The following ADAM2 variants were observed in gnomAD, a reference collection of about 807,000 sequenced individuals.
The protein encoded by ADAM2 is disintegrin and metalloproteinase domain-containing protein 2.
In ADAM2, 101 loss-of-function variants were observed where a neutral mutation model predicts 99.3. That is an observed-to-expected ratio of 1.02 (90% CI 0.87 to 1.20). The LOEUF (loss-of-function observed/expected upper bound fraction) is 1.20, where lower values mean the gene tolerates loss of function less well. Ranked by LOEUF, ADAM2 falls within the 50% of genes most tolerant of loss-of-function variation. The pLI is 0.00. For synonymous variants in ADAM2, 323 were observed against 287.6 expected (o/e 1.12, Z -1.25); for missense variants, 948 against 878.7 (o/e 1.08, Z -1.00).
rs79431764 is a variant in ADAM2, at chr8:39,834,732, CAAAAAAA to C, written c.133-740_133-734del. ...CCTGGGCGACAGGGCAAGACTCCAT[CAAAAAAA>C]AAAAAAAAAAAAAAAAAAGGTTTTA... On this transcript the variant is annotated intron_variant, in intron 2 of 20. Transcript: ENST00000265708. 7.0e-4 allele frequency among the ~76,000 whole-genome samples: 37 copies of C among 52,932 alleles called. 1 individual carries two copies. In the South Asian group the frequency reaches 0.022, roughly 32 times the overall value. The allele number at this position is 52,932 out of a possible 152,430, so 34.7% of individuals were successfully genotyped here. A position where few individuals can be genotyped will look rare whatever the true frequency, so the allele number is the denominator to read the frequency against.
chr8:39,761,956 C>T (rs1024582098), intron 14 of ADAM2, among the ~76,000 whole-genome samples: 21 of 152,190 alleles, frequency 1.4e-4, no homozygotes, highest in Admixed American at 6.5e-5. Flanking sequence ...TGGTGGCAGG[C>T]GCCCGTAGTC....
chr8:39,827,441 C>G (rs1186879109), intron 3 of ADAM2, among the ~76,000 whole-genome samples: 2 of 152,222 alleles, frequency 1.3e-5, no homozygotes, highest in South Asian at 4.1e-4. Context: ...ATAAACATCT[C>G]CCAGGTTTAT....
At position 39,744,908 on chromosome 8, in the gene ADAM2, T is replaced by TA; in HGVS notation, c.2175-16dup. 1 of 1,580,458 alleles carries TA rather than the reference T, an allele frequency of 6.3e-7. No homozygotes were observed. Among genetic ancestry groups the TA allele is most frequent in the Non-Finnish European group, 8.7e-7 (1 of 1,155,736 alleles). ...TTTCAGGTTGCCTGCATATTAAAAA[T>TA]AAAAATAATATTATACTTTCTTCAA... On this transcript the variant is annotated splice_polypyrimidine_tract_variant and intron_variant, in intron 19 of 20. Coordinates refer to ENST00000265708, the MANE Select transcript of ADAM2 (RefSeq NM_001464.5).
At chr8:39,806,530 T>C (rs1804450576) in intron 7 of ADAM2, among the ~76,000 whole-genome samples, 2 of 148,360 alleles carry the variant, frequency 1.3e-5, no homozygotes, top group South Asian at 4.2e-4. Context: ...ACATATTATA[T>C]ATAAATATAT....
At chr8:39,768,645 C>A (rs916003862) in intron 12 of ADAM2, among the ~76,000 whole-genome samples, 2 of 152,126 alleles carry the variant, frequency 1.3e-5, no homozygotes, top group African/African-American at 4.8e-5. Context: ...ATCTCTCTTT[C>A]TGAACAACAA....
At chr8:39,763,240 C>A (rs1282184987) in intron 14 of ADAM2, among the ~76,000 whole-genome samples, 1 of 152,054 alleles carries the variant, frequency 6.6e-6, no homozygotes, top group Non-Finnish European at 1.5e-5. Context: ...AAAATCTTGG[C>A]TTTCAGAGTG....
intron 7 of ADAM2, among the ~76,000 whole-genome samples, chr8:39,791,972 G>A (rs577084778): frequency 6.6e-6 from 1 of 151,980 alleles, no homozygotes; most frequent in East Asian, 1.9e-4. Flanking sequence ...TGACAGAATG[G>A]GTTAGCTTGA....
intron 10 of ADAM2, among the ~76,000 whole-genome samples, chr8:39,786,212 G>A (rs1803462381): frequency 6.6e-6 from 1 of 152,178 alleles, no homozygotes; most frequent in Admixed American, 6.5e-5. Context: ...GTACCTGGGT[G>A]ACAGAATCAA....
intron 6 of ADAM2, among the ~76,000 whole-genome samples, chr8:39,820,295 T>C (rs1347933628): frequency 1.3e-5 from 2 of 152,186 alleles, no homozygotes; most frequent in Non-Finnish European, 2.9e-5. Context: ...AATAAATTTT[T>C]ATATCCCATA....
At chr8:39,835,771 C>T (rs1398433408) in intron 2 of ADAM2, among the ~76,000 whole-genome samples, 1 of 151,492 alleles carries the variant, frequency 6.6e-6, no homozygotes, top group African/African-American at 2.4e-5. Flanking sequence ...TATATAGTTT[C>T]ATATTATGTT....
chr8:39,765,058 TAA>T (rs1491396303), intron 14 of ADAM2, among the ~76,000 whole-genome samples: 5 of 151,156 alleles, frequency 3.3e-5, no homozygotes, highest in Admixed American at 6.6e-5. Flanking sequence ...AATAAATAAA[TAA>T]ATAAATAAAT....
At chr8:39,798,451 T>C (rs568442357) in intron 7 of ADAM2, among the ~76,000 whole-genome samples, 5 of 152,340 alleles carry the variant, frequency 3.3e-5, no homozygotes, top group African/African-American at 1.2e-4. Flanking sequence ...CAGTATTTTA[T>C]TGAGGATTTT....
intron 6 of ADAM2, among the ~76,000 whole-genome samples, chr8:39,809,930 C>T (rs1804623591): frequency 6.6e-6 from 1 of 152,122 alleles, no homozygotes. Context: ...TCACACATAA[C>T]AATATTAACC....
At chr8:39,813,121 A>G (rs749547834) in intron 6 of ADAM2, among the ~76,000 whole-genome samples, 22 of 152,242 alleles carry the variant, frequency 1.4e-4, no homozygotes, top group Non-Finnish European at 2.9e-4. Flanking sequence ...ATATGAACAG[A>G]CACTTCTCAA....
At chr8:39,808,948 T>G (rs1366414990) in intron 7 of ADAM2, among the ~76,000 whole-genome samples, 1 of 151,914 alleles carries the variant, frequency 6.6e-6, no homozygotes, top group African/African-American at 2.4e-5. Flanking sequence ...TAAAGAAAAA[T>G]AAACATATTG....
chr8:39,831,013 C>A (rs1161804233), intron 3 of ADAM2, among the ~76,000 whole-genome samples: 1 of 152,118 alleles, frequency 6.6e-6, no homozygotes, highest in African/African-American at 2.4e-5. Flanking sequence ...ATTTAAGAAC[C>A]AGGAAATGAG....
chr8:39,783,027 C>T (rs1287357557), intron 10 of ADAM2, among the ~76,000 whole-genome samples: 1 of 152,068 alleles, frequency 6.6e-6, no homozygotes, highest in Non-Finnish European at 1.5e-5. Flanking sequence ...CCTCTCAGCT[C>T]TGCCTTTTTG....
Position 39,787,053 on chromosome 8 carries a change from T to A in ADAM2, c.812A>T (p.Tyr271Phe). 1 of 1,586,964 alleles carries A rather than the reference T, an allele frequency of 6.3e-7. No individual in the cohort carries two copies. Among genetic ancestry groups the A allele is most frequent in the Non-Finnish European group, 8.6e-7 (1 of 1,164,392 alleles). The change falls in exon 10 of 21, where the codon TAC becomes TTC. Residue 271 changes from tyrosine to phenylalanine, a missense_variant and splice_region_variant. Tyr to Phe is a conservative substitution (Grantham distance 22). Coordinates refer to ENST00000265708, the MANE Select transcript of ADAM2 (RefSeq NM_001464.5). ...RPHDVAFLLV[Y>F]REKSNYVGAT... The stretch of plus-strand genomic sequence containing the variant: ...ACCAACATAATTTGACTTTTCTCTG[T>A]AACTTAAGTTTAAAAAGGGATCATA...
chr8:39,797,231 T>C (rs1803999838), intron 7 of ADAM2, among the ~76,000 whole-genome samples: 1 of 152,220 alleles, frequency 6.6e-6, no homozygotes, highest in Non-Finnish European at 1.5e-5. Context: ...TTGTATAAGG[T>C]GTAAGGAAGG....
Sources: allele counts gnomAD v4.1 joint callset (sites outside exome capture counted in the v4.1 genomes callset), GRCh38; gene constraint gnomAD v4.1.1; transcripts MANE v1.5; gene names NCBI Gene and HGNC (gene_info 2026-07-23, HGNC 2026-07-21).